Variants in SPATA18 observed in about 807,000 individuals in gnomAD.
SPATA18 encodes the protein spermatogenesis associated 18.
A neutral mutation model predicts 68.1 loss-of-function variants in SPATA18; 54 were observed. The observed-to-expected ratio is 0.79, with a 90% CI of 0.64 to 0.99. SPATA18 has a LOEUF of 0.99. Ranked by LOEUF, SPATA18 falls within the 50% of genes least tolerant of loss-of-function variation. The probability of loss-of-function intolerance (pLI) is 0.00; values close to 1 mark genes in which losing one functional copy is unlikely to be tolerated. For missense variants in SPATA18, 724 were observed against 681.1 expected, an observed-to-expected ratio of 1.06 and a Z score of -0.70; for synonymous variants, 242 against 244.8, an observed-to-expected ratio of 0.99 and a Z score of 0.11.
chr4:52,064,709 G>A (rs752283887), intron 4 of SPATA18, among the ~76,000 whole-genome samples: 4 of 152,154 alleles, frequency 2.6e-5, no homozygotes, highest in African/African-American at 4.8e-5. Context: ...CCATATCTCT[G>A]CAATTGCGAT....
rs75696361 is a variant in SPATA18 at position 52,063,598 on chromosome 4, C to T, written c.422+1266C>T. On this transcript the variant is annotated intron_variant, in intron 4 of 12. Coordinates refer to ENST00000295213, the MANE Select transcript of SPATA18 (RefSeq NM_145263.4). ...GGTCACACAGTCATTTTTGGTTTATCGTAGTCCATTTTCTGTAAACATTCA... is the reference window on the plus strand; with the variant it reads ...GGTCACACAGTCATTTTTGGTTTATTGTAGTCCATTTTCTGTAAACATTCA... Among the ~76,000 whole-genome samples the T allele has an allele frequency of 3.5e-3, 526 of 152,278 alleles. 1 individual carries two copies. Among genetic ancestry groups the T allele is most frequent in the African/African-American group, 0.012 (484 of 41,568 alleles).
At chr4:52,059,659 A>G (rs749369374) in intron 1 of SPATA18, among the ~76,000 whole-genome samples, 1 of 152,222 alleles carries the variant, frequency 6.6e-6, no homozygotes, top group East Asian at 1.9e-4. Context: ...GCTTGCGCTC[A>G]TCTGTGTAGG....
intron 1 of SPATA18, among the ~76,000 whole-genome samples, chr4:52,054,644 C>G (rs1340493890): frequency 6.6e-6 from 1 of 151,946 alleles, no homozygotes; most frequent in Non-Finnish European, 1.5e-5. Context: ...GAGGCAGGGA[C>G]ATGAAGGAAC....
intron 6 of SPATA18, among the ~76,000 whole-genome samples, chr4:52,075,967 G>A (rs1026292185): frequency 5.3e-5 from 8 of 152,198 alleles, no homozygotes; most frequent in Non-Finnish European, 1.0e-4. Context: ...AACTTAGAGG[G>A]ATCCAGGCTA....
chr4:52,089,416 G>A (rs1239522927), intron 11 of SPATA18, among the ~76,000 whole-genome samples: 1 of 152,164 alleles, frequency 6.6e-6, no homozygotes, highest in Non-Finnish European at 1.5e-5. Flanking sequence ...TGTCTTATGG[G>A]TATTTAATGC....
At chr4:52,085,235 T>C (rs1741318084) in intron 11 of SPATA18, among the ~76,000 whole-genome samples, 1 of 152,216 alleles carries the variant, frequency 6.6e-6, no homozygotes, top group African/African-American at 2.4e-5. Flanking sequence ...AGATTTTATG[T>C]ATTTCATAGT....
intron 11 of SPATA18, among the ~76,000 whole-genome samples, chr4:52,086,953 C>T (rs935911758): frequency 6.6e-6 from 1 of 152,140 alleles, no homozygotes; most frequent in Non-Finnish European, 1.5e-5. Context: ...TTAATGATTG[C>T]CATTCTAACT....
chr4:52,063,408 C>G (rs2680906), intron 4 of SPATA18, among the ~76,000 whole-genome samples: 20,021 of 152,104 alleles, frequency 0.13, 1,476 homozygotes, highest in Middle Eastern at 0.21. Flanking sequence ...GCCTGCACCT[C>G]CACACATATC....
At chr4:52,081,439 G>C (rs551580386) in intron 9 of SPATA18, among the ~76,000 whole-genome samples, 2 of 152,170 alleles carry the variant, frequency 1.3e-5, no homozygotes, top group African/African-American at 4.8e-5. Context: ...CTGGCCTCAG[G>C]GCTTCAGGGT....
chr4:52,075,972 A>G (rs1740303558), intron 6 of SPATA18, among the ~76,000 whole-genome samples: 1 of 152,258 alleles, frequency 6.6e-6, no homozygotes, highest in Non-Finnish European at 1.5e-5. Flanking sequence ...AGAGGGATCC[A>G]GGCTAAATGA....
At chr4:52,083,281 G>A (rs1287855159) in intron 10 of SPATA18, 2 of 985,196 alleles carry the variant, frequency 2.0e-6, no homozygotes, top group Non-Finnish European at 2.4e-6. Flanking sequence ...ACAGCTGGCT[G>A]ATCTCTGTTC....
In SPATA18 at chr4:52,072,117, T is replaced by C. The variant is rs1328897606; in HGVS notation, c.719T>C (p.Ile240Thr). The C allele has an allele frequency of 2.5e-6, 4 of 1,614,058 alleles. No individual in the cohort carries two copies. The highest frequency in any genetic ancestry group is 3.3e-5 in the Admixed American group (2 of 60,018). ...CAGCTCCGAAACCTGAAGGAGGAGATAGCTGTTCTGTCTGCTGAGAAAAGT... is the reference window on the plus strand; with the variant it reads ...CAGCTCCGAAACCTGAAGGAGGAGACAGCTGTTCTGTCTGCTGAGAAAAGT... The part of the protein sequence containing the change: ...KKQLRNLKEE[I>T]AVLSAEKSAL... Residue 240 changes from isoleucine to threonine, a missense_variant, in exon 6 of 13, where the codon ATA becomes ACA. Physicochemically the swap from Ile to Thr is moderately conservative, Grantham distance 89. Coordinates refer to ENST00000295213, the MANE Select transcript of SPATA18 (RefSeq NM_145263.4).
At chr4:52,090,786 G>A (rs1216173321) in intron 11 of SPATA18, among the ~76,000 whole-genome samples, 1 of 152,120 alleles carries the variant, frequency 6.6e-6, no homozygotes, top group Non-Finnish European at 1.5e-5. Flanking sequence ...TTCTTGAAGA[G>A]CATCTTTGTG....
intron 7 of SPATA18, among the ~76,000 whole-genome samples, chr4:52,077,252 A>G (rs796921320): frequency 1.1e-5 from 1 of 87,832 alleles, no homozygotes; most frequent in Non-Finnish European, 2.4e-5. Flanking sequence ...TGTTCCCTCC[A>G]TCCCTCCCTC....
chr4:52,092,663 G>C (rs1426536000), intron 11 of SPATA18, among the ~76,000 whole-genome samples: 1 of 152,198 alleles, frequency 6.6e-6, no homozygotes, highest in East Asian at 1.9e-4. Flanking sequence ...CAGCCATCTT[G>C]AATCTACTCC....
intron 10 of SPATA18, 125 bp from the exon 11 acceptor site, chr4:52,084,791 C>A: frequency 2.4e-6 from 2 of 844,884 alleles, no homozygotes; most frequent in Non-Finnish European, 3.7e-6. Flanking sequence ...TGCAGATGAT[C>A]AGTAATGGGC....
intron 6 of SPATA18, 142 bp from the exon 7 acceptor site, chr4:52,076,637 T>C (rs2109477492): frequency 3.7e-6 from 4 of 1,070,284 alleles, no homozygotes; most frequent in Middle Eastern, 2.9e-4. Context: ...AGTCAGATAA[T>C]AGGGAAGTCT....
At chr4:52,091,474 G>A (rs936767297) in intron 11 of SPATA18, among the ~76,000 whole-genome samples, 57 of 152,104 alleles carry the variant, frequency 3.7e-4, no homozygotes, top group African/African-American at 1.3e-3. Flanking sequence ...TGGGGTCTTT[G>A]AGTGGACATG....
intron 5 of SPATA18, among the ~76,000 whole-genome samples, chr4:52,070,519 C>G (rs552459556): frequency 1.4e-5 from 2 of 138,780 alleles, no homozygotes; most frequent in East Asian, 4.2e-4. Flanking sequence ...GAACATCACA[C>G]TCTGGGGACT....
Sources: gnomAD v4.1 joint callset for allele counts (sites outside exome capture counted in the v4.1 genomes callset) on GRCh38, gnomAD v4.1.1 for gene constraint, MANE v1.5 for transcripts, NCBI Gene and HGNC (gene_info 2026-07-23, HGNC 2026-07-21) for gene names.